Variants in DLG2 observed in about 807,000 individuals in gnomAD.
The protein encoded by DLG2 is discs large MAGUK scaffold protein 2, also known as disks large homolog 2.
In DLG2, 45 loss-of-function variants were observed where a neutral mutation model predicts 132.5. The ratio of observed to expected loss-of-function variants is 0.34; its 90% CI spans 0.27 to 0.44. DLG2 has a LOEUF of 0.44. Among genes scored for constraint, DLG2 ranks in the 20% least tolerant of loss-of-function variants. The probability of loss-of-function intolerance (pLI) is 1.00; values close to 1 mark genes in which losing one functional copy is unlikely to be tolerated. For missense variants in DLG2, 1,045 were observed against 1,196.9 expected, an observed-to-expected ratio of 0.87 and a Z score of 1.87; for synonymous variants, 424 against 419.6, an observed-to-expected ratio of 1.01 and a Z score of -0.13.
intron 3 of DLG2, among the ~76,000 whole-genome samples, chr11:85,585,668 T>A (rs2078917597): frequency 6.6e-6 from 1 of 152,146 alleles, no homozygotes. Context: ...TCTATTGAGA[T>A]GATCATGTGA....
chr11:84,618,284 T>A (rs889195052), intron 6 of DLG2, among the ~76,000 whole-genome samples: 1 of 152,010 alleles, frequency 6.6e-6, no homozygotes, highest in Non-Finnish European at 1.5e-5. Context: ...AAGGAGGATT[T>A]TGAAGCAGGG....
At chr11:85,360,723 G>A (rs2084077446) in intron 3 of DLG2, among the ~76,000 whole-genome samples, 1 of 152,074 alleles carries the variant, frequency 6.6e-6, no homozygotes, top group Non-Finnish European at 1.5e-5. Flanking sequence ...AACTTTACTG[G>A]AAGTGTCCTC....
At chr11:84,297,129 T>TA (rs2098100776) in intron 7 of DLG2, among the ~76,000 whole-genome samples, 1 of 123,076 alleles carries the variant, frequency 8.1e-6, no homozygotes, top group Non-Finnish European at 2.0e-5. Flanking sequence ...TCAAAGAATT[T>TA]GAAAAAAAAA....
chr11:85,285,951 C>A, intron 3 of DLG2: 4 of 323,298 alleles, frequency 1.2e-5, no homozygotes, highest in South Asian at 2.5e-5. Flanking sequence ...AAAAGTAAAC[C>A]TTAACGTAGG....
intron 6 of DLG2, among the ~76,000 whole-genome samples, chr11:84,917,434 A>T (rs2092537915): frequency 6.6e-6 from 1 of 152,226 alleles, no homozygotes; most frequent in African/African-American, 2.4e-5. Flanking sequence ...GTAGATTGCT[A>T]AAAAGGTTTC....
At chr11:83,615,400 C>G (rs1054573819) in intron 19 of DLG2, among the ~76,000 whole-genome samples, 7 of 152,188 alleles carry the variant, frequency 4.6e-5, no homozygotes, top group Non-Finnish European at 1.0e-4. Context: ...CATAATCGCT[C>G]TTGGCTTCCA....
intron 3 of DLG2, among the ~76,000 whole-genome samples, chr11:85,517,545 G>A (rs900402362): frequency 6.6e-6 from 1 of 151,646 alleles, no homozygotes; most frequent in Non-Finnish European, 1.5e-5. Context: ...AAAGCTTTGG[G>A]AAACAAATTC....
chr11:84,829,100 A>G (rs1014696241), intron 6 of DLG2, among the ~76,000 whole-genome samples: 1 of 151,688 alleles, frequency 6.6e-6, no homozygotes, highest in Non-Finnish European at 1.5e-5. Flanking sequence ...TGAGTAAAAC[A>G]TAATTAGACA....
In DLG2 at chr11:85,152,974, A is replaced by T. The variant is rs142464784; in HGVS notation, c.282+1582T>A. 2.9e-3 allele frequency among the ~76,000 whole-genome samples: 445 copies of T among 152,288 alleles called. 2 individuals are homozygous for T. The highest frequency in any genetic ancestry group is 0.011 in the African/African-American group (437 of 41,564). On this transcript the variant is annotated intron_variant, in intron 5 of 27. Transcript: ENST00000376104. ...ATCAAACAACTAAAACAGTATCTAA[A>T]ACAAAATATTCCTGAAGGCATTTAG...
At chr11:84,985,188 GCACATGGAACTT>G (rs1261731331) in intron 6 of DLG2, among the ~76,000 whole-genome samples, 1 of 152,080 alleles carries the variant, frequency 6.6e-6, no homozygotes, top group Non-Finnish European at 1.5e-5. Context: ...CTATTCAATG[GCACATGGAACTT>G]TCTCTCAGGT....
chr11:85,420,819 A>T (rs1452197050), intron 3 of DLG2, among the ~76,000 whole-genome samples: 1 of 152,090 alleles, frequency 6.6e-6, no homozygotes. Context: ...TTGACTTCAG[A>T]CTGCTCTGCT....
At chr11:85,454,664 G>A (rs2092362399) in intron 3 of DLG2, among the ~76,000 whole-genome samples, 1 of 152,058 alleles carries the variant, frequency 6.6e-6, no homozygotes, top group African/African-American at 2.4e-5. Flanking sequence ...TATAGTTTTA[G>A]GTTTTACGTT....
intron 3 of DLG2, among the ~76,000 whole-genome samples, chr11:85,587,007 G>A (rs1159472116): frequency 6.6e-6 from 1 of 152,098 alleles, no homozygotes; most frequent in Non-Finnish European, 1.5e-5. Flanking sequence ...GTATAGTTTT[G>A]AGGGTTCCTT....
chr11:84,898,353 C>T (rs1253894047), intron 6 of DLG2, among the ~76,000 whole-genome samples: 1 of 151,808 alleles, frequency 6.6e-6, no homozygotes, highest in African/African-American at 2.4e-5. Flanking sequence ...CTACCCAATC[C>T]CCAAAGACTT....
intron 6 of DLG2, among the ~76,000 whole-genome samples, chr11:84,968,234 AT>A (rs1378723466): frequency 6.6e-6 from 1 of 152,210 alleles, no homozygotes; most frequent in African/African-American, 2.4e-5. Context: ...AACATCTAAC[AT>A]ATATAATAGA....
intron 18 of DLG2, among the ~76,000 whole-genome samples, chr11:83,758,543 C>G (rs769871237): frequency 7.9e-5 from 12 of 152,158 alleles, no homozygotes; most frequent in Non-Finnish European, 1.2e-4. Flanking sequence ...TGAAACCCAG[C>G]ACTGCTACTT....
At chr11:84,730,846 G>T (rs1408216800) in intron 6 of DLG2, among the ~76,000 whole-genome samples, 1 of 151,952 alleles carries the variant, frequency 6.6e-6, no homozygotes, top group Non-Finnish European at 1.5e-5. Flanking sequence ...ATTACTCAAT[G>T]AAACAATTCC....
chr11:83,467,810 TACAC>T (rs1213812731), intron 25 of DLG2, among the ~76,000 whole-genome samples: 130 of 96,220 alleles, frequency 1.4e-3, no homozygotes, highest in African/African-American at 5.2e-3. Context: ...TATATATATA[TACAC>T]ACACACATAT....
intron 7 of DLG2, among the ~76,000 whole-genome samples, chr11:84,415,719 C>T (rs908099270): frequency 6.6e-6 from 1 of 152,182 alleles, no homozygotes; most frequent in African/African-American, 2.4e-5. Flanking sequence ...AGATGGTAAT[C>T]AGTGGGCAAA....
Sources: gnomAD v4.1 joint callset for allele counts (sites outside exome capture counted in the v4.1 genomes callset) on GRCh38, gnomAD v4.1.1 for gene constraint, MANE v1.5 for transcripts, NCBI Gene and HGNC (gene_info 2026-07-23, HGNC 2026-07-21) for gene names.